ZNF385B: variants seen among roughly 807,000 people sequenced by gnomAD.
ZNF385B encodes zinc finger protein 385B.
ZNF385B carries 23 observed loss-of-function variants against 39.2 expected under a neutral mutation model. That is an observed-to-expected ratio of 0.59 (90% CI 0.42 to 0.83). The LOEUF (loss-of-function observed/expected upper bound fraction) is 0.83, where lower values mean the gene tolerates loss of function less well. Among genes scored for constraint, ZNF385B ranks in the 40% least tolerant of loss-of-function variants. The pLI is 0.00. For missense variants in ZNF385B, 552 were observed against 598.9 expected, an observed-to-expected ratio of 0.92 and a Z score of 0.82; for synonymous variants, 205 against 222.6, an observed-to-expected ratio of 0.92 and a Z score of 0.70.
chr2:179,860,747 C>T, intron 1 of ZNF385B: 1 of 442,986 alleles, frequency 2.3e-6, no homozygotes. Context: ...GGCGCTGCGG[C>T]TAAACATAGC....
At chr2:179,829,659 G>A (rs186186953) in intron 1 of ZNF385B, among the ~76,000 whole-genome samples, 2,634 of 152,100 alleles carry the variant, frequency 0.017, 78 homozygotes, top group African/African-American at 0.058. Context: ...GACTACAGGC[G>A]CCCGCCACCA....
chr2:179,636,022 T>C (rs1455260819), intron 3 of ZNF385B, among the ~76,000 whole-genome samples: 1 of 152,158 alleles, frequency 6.6e-6, no homozygotes, highest in Non-Finnish European at 1.5e-5. Context: ...AAAGAAAAAA[T>C]GTATGATGCA....
intron 1 of ZNF385B, among the ~76,000 whole-genome samples, chr2:179,810,044 T>C (rs985811295): frequency 5.9e-5 from 9 of 152,114 alleles, no homozygotes; most frequent in South Asian, 4.1e-4. Flanking sequence ...TCAGTAATCT[T>C]TGAAAAGGGA....
chr2:179,745,746 G>C (rs1702342621), intron 3 of ZNF385B: 3 of 1,540,132 alleles, frequency 1.9e-6, no homozygotes, highest in Non-Finnish European at 2.6e-6. Flanking sequence ...ATCCTGGCAG[G>C]GCTCTCACCA....
In ZNF385B at chr2:179,705,222, C is replaced by CT. The variant is rs562032769; in HGVS notation, c.298+64280_298+64281insA. Among the ~76,000 whole-genome samples the CT allele has an allele frequency of 1.7e-3, 261 of 152,280 alleles. 1 individual carries two copies. Among genetic ancestry groups the CT allele is most frequent in the Middle Eastern group, 6.8e-3 (2 of 294 alleles). ...TCTCCTGGGCCCCTCTCAATGAGTA[C>CT]CACTCATCTCTGGGCTAGGAGTGGG... is the stretch of plus-strand genomic sequence containing the variant. On this transcript the variant is annotated intron_variant, in intron 3 of 9. Coordinates refer to ENST00000410066, the MANE Select transcript of ZNF385B (RefSeq NM_152520.6).
chr2:179,719,134 A>G (rs1279187007), intron 3 of ZNF385B, among the ~76,000 whole-genome samples: 2 of 152,038 alleles, frequency 1.3e-5, no homozygotes, highest in East Asian at 3.8e-4. Context: ...CCCATGGACA[A>G]CCTAGTCTAG....
At chr2:179,816,259 C>T (rs1159154323) in intron 1 of ZNF385B, among the ~76,000 whole-genome samples, 3 of 152,180 alleles carry the variant, frequency 2.0e-5, no homozygotes. Context: ...ATTCTATTTA[C>T]CCTGTTTTCA....
intron 5 of ZNF385B, among the ~76,000 whole-genome samples, chr2:179,502,488 T>G (rs1055310018): frequency 1.3e-5 from 2 of 152,126 alleles, no homozygotes; most frequent in African/African-American, 4.8e-5. Context: ...AGAGTTCTCA[T>G]GAGATCTGGT....
intron 6 of ZNF385B, among the ~76,000 whole-genome samples, chr2:179,462,909 G>C (rs2051507958): frequency 6.6e-6 from 1 of 152,090 alleles, no homozygotes; most frequent in Non-Finnish European, 1.5e-5. Flanking sequence ...AGATGTGTGT[G>C]TGTGTGTGTT....
chr2:179,796,935 A>C (rs549731542), intron 1 of ZNF385B, among the ~76,000 whole-genome samples: 2 of 152,320 alleles, frequency 1.3e-5, no homozygotes, highest in South Asian at 2.1e-4. Flanking sequence ...ATTTCTTCAC[A>C]GGATTCTGGT....
intron 3 of ZNF385B, among the ~76,000 whole-genome samples, chr2:179,682,918 A>T (rs981639684): frequency 1.3e-5 from 2 of 152,166 alleles, no homozygotes; most frequent in African/African-American, 2.4e-5. Context: ...CTGGTAGAGG[A>T]GCAGCCTGGC....
chr2:179,528,780 T>C (rs779640589), intron 4 of ZNF385B, among the ~76,000 whole-genome samples: 4 of 152,232 alleles, frequency 2.6e-5, no homozygotes, highest in Non-Finnish European at 5.9e-5. Flanking sequence ...AATGTCTAAC[T>C]CTCACAGTAG....
intron 6 of ZNF385B, among the ~76,000 whole-genome samples, chr2:179,482,206 C>G (rs1218643011): frequency 1.3e-5 from 2 of 152,170 alleles, no homozygotes; most frequent in African/African-American, 4.8e-5. Context: ...CTTCCTCTTA[C>G]AGTAATGGAT....
intron 6 of ZNF385B, 84 bp downstream of exon 6, chr2:179,483,188 C>A (rs1484154992): frequency 2.7e-6 from 4 of 1,482,658 alleles, no homozygotes; most frequent in East Asian, 2.3e-5. Flanking sequence ...GAGTAACATG[C>A]AACAACTGAG....
At chr2:179,727,900 T>G (rs1701121953) in intron 3 of ZNF385B, among the ~76,000 whole-genome samples, 2 of 152,108 alleles carry the variant, frequency 1.3e-5, no homozygotes, top group African/African-American at 4.8e-5. Context: ...ATCATATCAC[T>G]GGGGCATTTT....
At chr2:179,493,611 A>G (rs149213283) in intron 5 of ZNF385B, among the ~76,000 whole-genome samples, 36,723 of 138,422 alleles carry the variant, frequency 0.27, 7,110 homozygotes, top group East Asian at 0.41. Flanking sequence ...ACATATATGT[A>G]CGTACATATA....
intron 1 of ZNF385B, among the ~76,000 whole-genome samples, chr2:179,790,714 A>G (rs1705275280): frequency 6.6e-6 from 1 of 152,212 alleles, no homozygotes; most frequent in African/African-American, 2.4e-5. Flanking sequence ...TCATGTGGAA[A>G]AAAGTGACAG....
rs1388878037 is a variant in ZNF385B, at chr2:179,769,565, T to G, written c.236A>C (p.Gln79Pro). The change falls in exon 3 of 10, where the codon CAG becomes CCG. Residue 79 changes from glutamine to proline, a missense_variant. By Grantham distance (76) the Gln-to-Pro change is moderately conservative (BLOSUM62 -1). Transcript: ENST00000410066. ...NGKSHRKRVKQLSDGQPPPPA... is the reference protein window; with the variant it reads ...NGKSHRKRVKPLSDGQPPPPA... ...TGGTGGGGGCTGCCCATCACTCAGC[T>G]GCTTCACTCGTTTGCGGTGGGATTT... 1 of 1,614,210 alleles carries G rather than the reference T, an allele frequency of 6.2e-7. No individual in the cohort carries two copies. The highest frequency in any genetic ancestry group is 8.5e-7 in the Non-Finnish European group (1 of 1,180,034).
rs914037240 is a variant in ZNF385B at position 179,836,491 on chromosome 2, T to C, written c.-155+24610A>G. On this transcript the variant is annotated intron_variant, in intron 1 of 9. Coordinates refer to ENST00000410066, the MANE Select transcript of ZNF385B (RefSeq NM_152520.6). ...TTGTAAAAAACTATTTCAAGATATCTGAATCAAGGTTCTTGCGTTTTCTTT... is the reference window on the plus strand; with the variant it reads ...TTGTAAAAAACTATTTCAAGATATCCGAATCAAGGTTCTTGCGTTTTCTTT... Among the ~76,000 whole-genome samples, 3 of 150,306 alleles carry C rather than the reference T, an allele frequency of 2.0e-5. No individual in the cohort carries two copies. In the Admixed American group the frequency reaches 2.0e-4, roughly 10 times the overall value.
Sources: gnomAD v4.1 joint callset for allele counts (sites outside exome capture counted in the v4.1 genomes callset) on GRCh38, gnomAD v4.1.1 for gene constraint, MANE v1.5 for transcripts, NCBI Gene and HGNC (gene_info 2026-07-23, HGNC 2026-07-21) for gene names.